Variants in DRD3 observed in about 807,000 individuals in gnomAD.
The protein encoded by DRD3 is D(3) dopamine receptor.
In DRD3, 19 loss-of-function variants were observed where a neutral mutation model predicts 36.3. That is an observed-to-expected ratio of 0.52 (90% confidence interval 0.36 to 0.77). The LOEUF (loss-of-function observed/expected upper bound fraction) is 0.77, where lower values mean the gene tolerates loss of function less well. Among genes scored for constraint, DRD3 ranks in the 30% least tolerant of loss-of-function variants. The pLI is 0.00. For missense variants in DRD3, 465 were observed against 505.3 expected (o/e 0.92, Z 0.77); for synonymous variants, 195 against 203.7 (o/e 0.96, Z 0.36).
intron 2 of DRD3, among the ~76,000 whole-genome samples, chr3:114,168,989 C>T (rs1164668668): frequency 6.6e-6 from 1 of 151,128 alleles, no homozygotes; most frequent in Non-Finnish European, 1.5e-5. Context: ...TTCCTGGGGG[C>T]CCTCAAGCCT....
intron 2 of DRD3, among the ~76,000 whole-genome samples, chr3:114,166,702 T>C (rs2077788692): frequency 6.6e-6 from 1 of 152,206 alleles, no homozygotes. Context: ...AACGTTTAGC[T>C]CAGAGCTGCT....
chr3:114,198,717 T>A (rs371356865), intron 1 of DRD3, among the ~76,000 whole-genome samples: 48 of 152,072 alleles, frequency 3.2e-4, no homozygotes, highest in African/African-American at 1.1e-3. Context: ...ACCGCTACAC[T>A]TAATTTACAA....
At chr3:114,168,916 C>A (rs116308985) in intron 2 of DRD3, among the ~76,000 whole-genome samples, 2 of 151,942 alleles carry the variant, frequency 1.3e-5, no homozygotes, top group Non-Finnish European at 2.9e-5. Context: ...AAAGCACATG[C>A]GGCTATGAAT....
intron 1 of DRD3, among the ~76,000 whole-genome samples, chr3:114,190,509 C>T (rs201292932): frequency 0.013 from 989 of 76,698 alleles, 9 homozygotes; most frequent in Non-Finnish European, 0.02. Flanking sequence ...TTTTACAGAG[C>T]AAACCAATAA....
At chr3:114,194,909 C>T (rs552183127) in intron 1 of DRD3, among the ~76,000 whole-genome samples, 1 of 151,594 alleles carries the variant, frequency 6.6e-6, no homozygotes, top group African/African-American at 2.4e-5. Flanking sequence ...AGAGAAAATT[C>T]TGCTTTTCTT....
At position 114,128,816 on chromosome 3, in the gene DRD3, G is replaced by A. The variant is rs192721056; in HGVS notation, c.1103C>T (p.Thr368Met). Residue 368 changes from threonine (T) to methionine (M), a missense_variant, in exon 7 of 7, where the codon ACG (threonine) becomes ATG (methionine). Thr to Met is a moderately conservative substitution (Grantham distance 81, BLOSUM62 -1). Coordinates refer to ENST00000383673, the MANE Select transcript of DRD3 (RefSeq NM_000796.6). ...CHVSPELYSA[T>M]TWLGYVNSAL... The stretch of plus-strand genomic sequence containing the variant: ...GCTATTCACGTAGCCCAGCCATGTC[G>A]TGGCACTGTAAAGCTCTGGGGACAC... The A allele has an allele frequency of 1.4e-5, 23 of 1,614,026 alleles. No individual in the cohort carries two copies. The highest frequency in any genetic ancestry group is 6.7e-5 in the East Asian group (3 of 44,878).
At chr3:114,180,415 A>G (rs1425491440), upstream of DRD3, among the ~76,000 whole-genome samples, 1 of 152,098 alleles carries the variant, frequency 6.6e-6, no homozygotes, top group Admixed American at 6.6e-5. Flanking sequence ...CCTGGAGGGT[A>G]CGCCCTAATC....
chr3:114,150,714 CTTG>C (rs2077609412), intron 3 of DRD3, among the ~76,000 whole-genome samples: 2 of 152,156 alleles, frequency 1.3e-5, no homozygotes, highest in African/African-American at 2.4e-5. Context: ...CTCCTTAACC[CTTG>C]TTGTGCACCT....
rs201389872 is a variant in DRD3 at position 114,129,342 on chromosome 3, CA to C, written c.1007-431del. 7.3e-3 allele frequency among the ~76,000 whole-genome samples: 1,103 copies of C among 151,572 alleles called. 13 individuals carry two copies. The highest frequency in any genetic ancestry group is 0.025 in the African/African-American group (1,049 of 41,278). ...TGGGTGACAGAGTAATACTCCATCT[CA>C]AAAAAAACAAAACAAAACAAAAAAA... On this transcript the variant is annotated intron_variant, in intron 6 of 6. Transcript: ENST00000383673.
At chr3:114,199,101 T>G (rs2078051975) in intron 1 of DRD3, among the ~76,000 whole-genome samples, 1 of 152,170 alleles carries the variant, frequency 6.6e-6, no homozygotes, top group African/African-American at 2.4e-5. Context: ...TTTTGGATAG[T>G]TTTTGTTTTC....
chr3:114,191,361 AG>A lies in DRD3; in HGVS notation c.-156+7911del, dbSNP rs535934344. On this transcript the variant is annotated intron_variant, in intron 1 of 7. Transcript: ENST00000460779. ...AGACAAGGGGCAGCCAACCATGCAAAGGTCAGTGGGAAGAGTATTCCCAGCT... is the reference window on the plus strand; with the variant it reads ...AGACAAGGGGCAGCCAACCATGCAAAGTCAGTGGGAAGAGTATTCCCAGCT... 5.7e-3 allele frequency among the ~76,000 whole-genome samples: 874 copies of A among 152,336 alleles called. 6 individuals carry two copies. Among genetic ancestry groups the A allele is most frequent in the Admixed American group, 8.8e-3 (134 of 15,306 alleles).
intron 1 of DRD3, among the ~76,000 whole-genome samples, chr3:114,196,280 A>G (rs1322081641): frequency 6.6e-6 from 1 of 152,046 alleles, no homozygotes; most frequent in African/African-American, 2.4e-5. Context: ...TTGTATGGAT[A>G]TATGCTTCTT....
rs1373698708 is a variant in DRD3, at chr3:114,128,052, G to T, written c.*664C>A. Among the ~76,000 whole-genome samples, 1 of 152,244 alleles carries T rather than the reference G, an allele frequency of 6.6e-6. No homozygotes were observed. The highest frequency in any genetic ancestry group is 1.5e-5 in the Non-Finnish European group (1 of 68,042). On this transcript the variant is annotated 3_prime_UTR_variant, in exon 7 of 7. Coordinates refer to ENST00000383673, the MANE Select transcript of DRD3 (RefSeq NM_000796.6). ...ATTTCCTCTAGAGAGTAAAGGAATG[G>T]AATCAGAAAGCCTTCTTAGCTAAAG... is the stretch of plus-strand genomic sequence containing the variant.
intron 3 of DRD3, among the ~76,000 whole-genome samples, chr3:114,155,775 T>G (rs1198846723): frequency 6.6e-6 from 1 of 152,030 alleles, no homozygotes; most frequent in Non-Finnish European, 1.5e-5. Context: ...GAGAGGAGGC[T>G]CAGGAACTAC....
chr3:114,146,418 C>T (rs1259791559), intron 4 of DRD3, among the ~76,000 whole-genome samples: 4 of 152,064 alleles, frequency 2.6e-5, no homozygotes, highest in African/African-American at 9.7e-5. Flanking sequence ...TCATTCGACA[C>T]GTTAAATTAC....
intron 5 of DRD3, among the ~76,000 whole-genome samples, chr3:114,138,021 TAGCC>T (rs59643745): frequency 0.068 from 9,392 of 138,050 alleles, 648 homozygotes; most frequent in African/African-American, 0.18. Flanking sequence ...AAAAAAAAAT[TAGCC>T]AGATGTGTTG....
At position 114,128,649 on chromosome 3, in the gene DRD3, C is replaced by T; in HGVS notation, c.*67G>A. On this transcript the variant is annotated 3_prime_UTR_variant, in exon 7 of 7. Transcript: ENST00000383673. ...TGCATGCCGGAGGACACTGCACAGTCTTTCTGAGTGGGCCAACAGCCTGGC... is the reference window on the plus strand; with the variant it reads ...TGCATGCCGGAGGACACTGCACAGTTTTTCTGAGTGGGCCAACAGCCTGGC... 6.7e-7 allele frequency: 1 copy of T among 1,482,178 alleles called. No individual in the cohort carries two copies. Among genetic ancestry groups the T allele is most frequent in the East Asian group, 2.3e-5 (1 of 43,016 alleles). 91.8% of individuals were successfully genotyped at this position (1,482,178 alleles called of 1,614,324 possible).
At position 114,135,423 on chromosome 3, in the gene DRD3, G is replaced by A. The variant is rs1339389859; in HGVS notation, c.724-4023C>T. Among the ~76,000 whole-genome samples the A allele has an allele frequency of 4.3e-5, 2 of 46,512 alleles. 1 individual carries two copies. Among genetic ancestry groups the A allele is most frequent in the African/African-American group, 1.3e-4 (2 of 14,830 alleles). The allele number at this position is 46,512 out of a possible 152,430, so 30.5% of individuals were successfully genotyped here. ...TCACCTTGTTAGCCAGGATGGTCTC[G>A]ATCTCTTGACCTCATGATCCACCCG... On this transcript the variant is annotated intron_variant, in intron 5 of 6. Coordinates refer to ENST00000383673, the MANE Select transcript of DRD3 (RefSeq NM_000796.6).
At chr3:114,143,228 A>G (rs1035105590) in intron 4 of DRD3, among the ~76,000 whole-genome samples, 4 of 152,378 alleles carry the variant, frequency 2.6e-5, no homozygotes, top group South Asian at 2.1e-4. Context: ...AGCATTTTAT[A>G]TAAACACATG....
Sources: gnomAD v4.1 joint callset for allele counts (sites outside exome capture counted in the v4.1 genomes callset) on GRCh38, gnomAD v4.1.1 for gene constraint, MANE v1.5 for transcripts, NCBI Gene and HGNC (gene_info 2026-07-23, HGNC 2026-07-21) for gene names.